The following SSX2IP variants were observed in gnomAD, a reference collection of about 807,000 sequenced individuals.
The protein encoded by SSX2IP is SSX family member 2 interacting protein, also known as afadin- and alpha-actinin-binding protein.
A neutral mutation model predicts 84.9 loss-of-function variants in SSX2IP; 55 were observed. The observed-to-expected ratio is 0.65, with a 90% confidence interval of 0.52 to 0.81. The LOEUF (loss-of-function observed/expected upper bound fraction) is 0.81. Ranked by LOEUF, SSX2IP falls within the 30% of genes least tolerant of loss-of-function variation. The pLI is 0.00. For synonymous variants in SSX2IP, 239 were observed against 234.7 expected, an observed-to-expected ratio of 1.02 and a Z score of -0.17; for missense variants, 664 against 705.2, an observed-to-expected ratio of 0.94 and a Z score of 0.66.
rs188109845 is a variant in SSX2IP, at chr1:84,684,365, C to T, written c.-90+6006G>A. 7.0e-4 allele frequency among the ~76,000 whole-genome samples: 107 copies of T among 152,260 alleles called. 1 individual carries two copies. The highest frequency in any genetic ancestry group is 2.5e-3 in the African/African-American group (102 of 41,554). ...TAAATTAGTATTCTATTTATATGCA[C>T]TTTCAATTAGAGAACACCAAAAAGG... is the stretch of plus-strand genomic sequence containing the variant. On this transcript the variant is annotated intron_variant, in intron 1 of 13. Transcript: ENST00000342203.
intron 12 of SSX2IP, 146 bp downstream of exon 12, chr1:84,651,737 C>CA (rs894961349): frequency 1.5e-4 from 87 of 562,920 alleles, no homozygotes; most frequent in Middle Eastern, 5.1e-4. Flanking sequence ...CAAAAACAAA[C>CA]AAAAAAAAGT....
At chr1:84,663,173 C>T (rs1652274687) in intron 6 of SSX2IP, among the ~76,000 whole-genome samples, 1 of 152,152 alleles carries the variant, frequency 6.6e-6, no homozygotes, top group Non-Finnish European at 1.5e-5. Flanking sequence ...ATATCTTCTG[C>T]TGCAGGTGGA....
chr1:84,659,790 C>T (rs1651660850), intron 8 of SSX2IP, among the ~76,000 whole-genome samples: 1 of 124,812 alleles, frequency 8.0e-6, no homozygotes, highest in African/African-American at 2.7e-5. Context: ...GAGTGAGACT[C>T]CATCTCAAAA....
chr1:84,660,222 T>A (rs1294927121), intron 8 of SSX2IP, among the ~76,000 whole-genome samples: 2 of 152,278 alleles, frequency 1.3e-5, no homozygotes, highest in African/African-American at 4.8e-5. Flanking sequence ...AATATATATT[T>A]AAGAGGTCAT....
rs1649340658 is a variant in SSX2IP, at chr1:84,645,353, A to G, written c.*2080T>C. On this transcript the variant is annotated 3_prime_UTR_variant, in exon 14 of 14. Transcript: ENST00000342203. ...AAAGTGATGTTGTTAGGTAAAATGT[A>G]CAACTTCTGGATCTATGCAGACATT... 6.6e-6 allele frequency: 1 copy of G among 152,194 alleles called. No individual in the cohort carries two copies. The highest frequency in any genetic ancestry group is 2.1e-4 in the South Asian group (1 of 4,832). 9.4% of individuals were successfully genotyped at this position (152,194 alleles called of 1,614,324 possible).
At chr1:84,680,454 C>T (rs1239022460) in intron 1 of SSX2IP, 1 of 151,922 alleles carries the variant, frequency 6.6e-6, no homozygotes, top group Non-Finnish European at 1.5e-5. Flanking sequence ...ATTTAGTTAC[C>T]AAATTTCTTT....
At position 84,669,900 on chromosome 1, in the gene SSX2IP, G is replaced by A. The variant is rs1418301944; in HGVS notation, c.214-7C>T. 2 of 1,608,318 alleles carry A rather than the reference G, an allele frequency of 1.2e-6. No individual in the cohort carries two copies. The highest frequency in any genetic ancestry group is 1.7e-5 in the Admixed American group (1 of 59,662). On this transcript the variant is annotated splice_polypyrimidine_tract_variant and splice_region_variant and intron_variant, in intron 3 of 13. Transcript: ENST00000342203. ...AACCAAAAGTAGTCAATTCCTGGTAGGAGAAAATGTTTTCTTAAAGTTGGT... is the reference window on the plus strand; with the variant it reads ...AACCAAAAGTAGTCAATTCCTGGTAAGAGAAAATGTTTTCTTAAAGTTGGT...
intron 13 of SSX2IP, among the ~76,000 whole-genome samples, chr1:84,649,271 A>T (rs1649886719): frequency 6.6e-6 from 1 of 152,098 alleles, no homozygotes; most frequent in Non-Finnish European, 1.5e-5. Context: ...GAACTTTTAC[A>T]TCTCTCCATC....
At chr1:84,659,243 T>C (rs578130539) in intron 8 of SSX2IP, among the ~76,000 whole-genome samples, 1 of 152,298 alleles carries the variant, frequency 6.6e-6, no homozygotes, top group South Asian at 2.1e-4. Flanking sequence ...GAAGGGCTGA[T>C]TCGACTGCTC....
intron 13 of SSX2IP, among the ~76,000 whole-genome samples, chr1:84,648,423 A>G (rs145274066): frequency 6.6e-6 from 1 of 152,288 alleles, no homozygotes; most frequent in African/African-American, 2.4e-5. Context: ...TTGTTTACAT[A>G]TATTTTTATT....
intron 11 of SSX2IP, chr1:84,655,343 T>C: frequency 9.0e-7 from 1 of 1,106,536 alleles, no homozygotes; most frequent in Non-Finnish European, 1.1e-6. Context: ...ACATTACTGC[T>C]ACAATTTTTG....
intron 5 of SSX2IP, among the ~76,000 whole-genome samples, 175 bp from the exon 6 acceptor site, chr1:84,664,727 A>T (rs1652521082): frequency 6.6e-6 from 1 of 152,092 alleles, no homozygotes; most frequent in Non-Finnish European, 1.5e-5. Context: ...AGTTTTTTTA[A>T]TTCTGAAATT....
At chr1:84,667,312 C>T (rs909780573) in intron 4 of SSX2IP, among the ~76,000 whole-genome samples, 4 of 146,974 alleles carry the variant, frequency 2.7e-5, no homozygotes, top group Non-Finnish European at 4.5e-5. Flanking sequence ...ATCCATGACC[C>T]CTAGTCTCCA....
intron 13 of SSX2IP, chr1:84,650,099 A>C: frequency 1.6e-6 from 1 of 619,454 alleles, no homozygotes; most frequent in East Asian, 2.7e-5. Context: ...ATTGTATCTT[A>C]AATGTGAAAT....
chr1:84,657,129 C>T (rs1278265934), intron 9 of SSX2IP, among the ~76,000 whole-genome samples: 1 of 152,000 alleles, frequency 6.6e-6, no homozygotes, highest in East Asian at 1.9e-4. Context: ...TTTAAATAGG[C>T]TTCATTTACT....
chr1:84,688,390 T>C (rs1054482621), intron 1 of SSX2IP, among the ~76,000 whole-genome samples: 1 of 152,226 alleles, frequency 6.6e-6, no homozygotes, highest in African/African-American at 2.4e-5. Flanking sequence ...TTCACAGCTA[T>C]TGTAAAAGAT....
chr1:84,652,375 A>T (rs1427605022), intron 11 of SSX2IP: 3 of 159,138 alleles, frequency 1.9e-5, no homozygotes, highest in Non-Finnish European at 2.6e-5. Flanking sequence ...GTGAGCCGAG[A>T]TAGCACCACT....
At chr1:84,684,945 G>T (rs776107377) in intron 1 of SSX2IP, among the ~76,000 whole-genome samples, 1 of 151,800 alleles carries the variant, frequency 6.6e-6, no homozygotes, top group African/African-American at 2.4e-5. Context: ...GTAAATAGCT[G>T]CCTCAGGTGA....
chr1:84,674,947 T>C lies in SSX2IP; in HGVS notation c.-89-3639A>G, dbSNP rs569470597. On this transcript the variant is annotated intron_variant, in intron 1 of 13. Coordinates refer to ENST00000342203, the MANE Select transcript of SSX2IP (RefSeq NM_001166293.2). ...CTCTTTATCAATACATACCCTAAACTAAGCAGTGAATTTAAGCATATTATT... is the reference window on the plus strand; with the variant it reads ...CTCTTTATCAATACATACCCTAAACCAAGCAGTGAATTTAAGCATATTATT... Among the ~76,000 whole-genome samples the C allele has an allele frequency of 2.2e-4, 33 of 152,298 alleles. No homozygotes were observed. The East Asian group carries it at 6.2e-3, about 28-fold the overall frequency.
Sources: gnomAD v4.1 joint callset for allele counts (sites outside exome capture counted in the v4.1 genomes callset) on GRCh38, gnomAD v4.1.1 for gene constraint, MANE v1.5 for transcripts, NCBI Gene and HGNC (gene_info 2026-07-23, HGNC 2026-07-21) for gene names.